Variants in NTM observed in about 807,000 individuals in gnomAD.
The protein encoded by NTM is IgLON family member 2.
NTM carries 13 observed loss-of-function variants against 42.1 expected under a neutral mutation model. That is an observed-to-expected ratio of 0.31 (90% CI 0.20 to 0.49). The LOEUF is 0.49. Ranked by LOEUF, NTM falls within the 20% of genes least tolerant of loss-of-function variation. The probability of loss-of-function intolerance (pLI) is 0.99; values close to 1 mark genes in which losing one functional copy is unlikely to be tolerated. For missense variants in NTM, 373 were observed against 452.8 expected, an observed-to-expected ratio of 0.82 and a Z score of 1.60; for synonymous variants, 187 against 179.2, an observed-to-expected ratio of 1.04 and a Z score of -0.35.
intron 4 of NTM, among the ~76,000 whole-genome samples, chr11:132,237,843 G>A (rs1305120293): frequency 1.3e-5 from 2 of 152,272 alleles, no homozygotes; most frequent in African/African-American, 2.4e-5. Flanking sequence ...GAGGAAATTC[G>A]CTGAACCCTT....
At chr11:131,506,136 T>C (rs943909569) in intron 1 of NTM, among the ~76,000 whole-genome samples, 2 of 152,130 alleles carry the variant, frequency 1.3e-5, no homozygotes, top group African/African-American at 4.8e-5. Context: ...TTAAAATGAC[T>C]CATTCTCAAG....
intron 1 of NTM, among the ~76,000 whole-genome samples, chr11:131,908,273 A>G (rs925609517): frequency 1.3e-5 from 2 of 152,248 alleles, no homozygotes; most frequent in Non-Finnish European, 2.9e-5. Context: ...CATACTAATG[A>G]AGCAATGGCA....
chr11:132,030,999 C>A (rs556629455), intron 2 of NTM, among the ~76,000 whole-genome samples: 1 of 152,280 alleles, frequency 6.6e-6, no homozygotes. Flanking sequence ...GCTACTCACC[C>A]AGACCTGGTT....
chr11:131,559,063 A>G (rs1026741996), intron 1 of NTM, among the ~76,000 whole-genome samples: 4 of 152,238 alleles, frequency 2.6e-5, no homozygotes, highest in African/African-American at 9.6e-5. Flanking sequence ...ATCAAATTCA[A>G]TATCGAATTG....
At chr11:131,573,302 G>A (rs60605873) in intron 1 of NTM, among the ~76,000 whole-genome samples, 5,006 of 152,282 alleles carry the variant, frequency 0.033, 246 homozygotes, top group African/African-American at 0.11. Flanking sequence ...CTAAGCCACA[G>A]TTTGCTCATT....
At chr11:131,501,741 G>T (rs2046858045) in intron 1 of NTM, among the ~76,000 whole-genome samples, 1 of 152,170 alleles carries the variant, frequency 6.6e-6, no homozygotes, top group African/African-American at 2.4e-5. Context: ...TTGTTGCAGA[G>T]TTGGATATGG....
intron 1 of NTM, among the ~76,000 whole-genome samples, chr11:131,739,888 G>C (rs1199811178): frequency 6.6e-6 from 1 of 152,162 alleles, no homozygotes; most frequent in Non-Finnish European, 1.5e-5. Flanking sequence ...CATGAGCAAG[G>C]GGGCCTCAAA....
At chr11:131,817,021 A>G (rs1229720716) in intron 1 of NTM, among the ~76,000 whole-genome samples, 3 of 152,174 alleles carry the variant, frequency 2.0e-5, no homozygotes, top group Non-Finnish European at 4.4e-5. Flanking sequence ...GCATCTATTT[A>G]CAAGTATTTC....
intron 3 of NTM, among the ~76,000 whole-genome samples, chr11:132,209,819 G>A (rs917311389): frequency 1.3e-5 from 2 of 152,132 alleles, no homozygotes; most frequent in Admixed American, 6.5e-5. Flanking sequence ...CAAGGGCATG[G>A]GGATAAGGAG....
chr11:132,334,967 T>A (rs888214110), intron 8 of NTM, 79 bp from the exon 9 acceptor site: 30 of 1,565,050 alleles, frequency 1.9e-5, no homozygotes, highest in Non-Finnish European at 2.5e-5. Flanking sequence ...CAAGGCCAAA[T>A]GACAGCAGAC....
chr11:132,043,410 G>A (rs1011924153), intron 2 of NTM, among the ~76,000 whole-genome samples: 3 of 152,178 alleles, frequency 2.0e-5, no homozygotes, highest in Non-Finnish European at 4.4e-5. Context: ...CTAAGATGAG[G>A]GAGGGTGCTT....
chr11:131,810,439 C>T (rs1165492942), intron 1 of NTM, among the ~76,000 whole-genome samples: 4 of 152,132 alleles, frequency 2.6e-5, no homozygotes, highest in Non-Finnish European at 5.9e-5. Flanking sequence ...GGTCTGCACC[C>T]CCCAATCTGG....
chr11:132,147,840 GGAAGGAAGGCAGCTTGA>G, intron 3 of NTM, among the ~76,000 whole-genome samples: 1 of 152,252 alleles, frequency 6.6e-6, no homozygotes, highest in Non-Finnish European at 1.5e-5. Flanking sequence ...AGACAGAATA[GGAAGGAAGGCAGCTTGA>G]GAAGGAAGAA....
At chr11:131,830,901 A>G (rs957534627) in intron 1 of NTM, among the ~76,000 whole-genome samples, 1 of 151,630 alleles carries the variant, frequency 6.6e-6, no homozygotes, top group African/African-American at 2.4e-5. Flanking sequence ...GGTGAGCTGT[A>G]TTCCTACATA....
At chr11:131,600,674 C>T (rs1161596523) in intron 1 of NTM, among the ~76,000 whole-genome samples, 1 of 152,206 alleles carries the variant, frequency 6.6e-6, no homozygotes, top group Non-Finnish European at 1.5e-5. Flanking sequence ...AGCAGGTCCA[C>T]TGCCAAGAAA....
At chr11:132,148,518 T>C (rs1348975865) in intron 3 of NTM, among the ~76,000 whole-genome samples, 2 of 152,072 alleles carry the variant, frequency 1.3e-5, no homozygotes, top group Admixed American at 6.5e-5. Context: ...GACTGGGAAC[T>C]AGGAACTATT....
At chr11:132,307,636 G>A in intron 4 of NTM, 53 bp from the exon 5 acceptor site, 1 of 1,608,252 alleles carries the variant, frequency 6.2e-7, no homozygotes, top group African/African-American at 1.3e-5. Context: ...AAGTGAACAT[G>A]TTTGGTCTTT....
chr11:131,623,526 G>A (rs73590435), intron 1 of NTM, among the ~76,000 whole-genome samples: 5,195 of 152,222 alleles, frequency 0.034, 275 homozygotes, highest in African/African-American at 0.12. Context: ...TCCCATCTTC[G>A]GCTGCTTGCA....
At chr11:131,991,567 G>A (rs181571754) in intron 2 of NTM, among the ~76,000 whole-genome samples, 2 of 151,964 alleles carry the variant, frequency 1.3e-5, no homozygotes, top group Admixed American at 6.5e-5. Flanking sequence ...GACAAGACAA[G>A]TGTCAGTGTT....
Sources: gnomAD v4.1 joint callset for allele counts (sites outside exome capture counted in the v4.1 genomes callset) on GRCh38, gnomAD v4.1.1 for gene constraint, MANE v1.5 for transcripts, NCBI Gene and HGNC (gene_info 2026-07-23, HGNC 2026-07-21) for gene names.